The following A4GALT variants were observed in gnomAD, a reference collection of about 807,000 sequenced individuals.
A4GALT encodes the protein alpha 1,4-galactosyltransferase (P1PK blood group), also known as lactosylceramide 4-alpha-galactosyltransferase.
For synonymous variants in A4GALT, 257 were observed against 220.7 expected, an observed-to-expected ratio of 1.16 and a Z score of -1.46; for missense variants, 512 against 486.0, an observed-to-expected ratio of 1.05 and a Z score of -0.50.
intron 1 of A4GALT, among the ~76,000 whole-genome samples, chr22:42,711,124 A>G (rs2147027758): frequency 6.6e-6 from 1 of 152,318 alleles, no homozygotes; most frequent in East Asian, 1.9e-4. Context: ...AGAAATCAAT[A>G]AGAAGACTAA....
At chr22:42,708,573 G>GGAAGGAAA (rs1388329839) in intron 1 of A4GALT, among the ~76,000 whole-genome samples, 8 of 151,036 alleles carry the variant, frequency 5.3e-5, no homozygotes, top group African/African-American at 1.9e-4. Context: ...AAGGAAGGAA[G>GGAAGGAAA]GAAGGAAGGA....
At position 42,693,275 on chromosome 22, in the gene A4GALT, C is replaced by T. The variant is rs201411551; in HGVS notation, c.677G>A (p.Arg226Gln). 16 of 1,612,832 alleles carry T rather than the reference C, an allele frequency of 9.9e-6. No homozygotes were observed. In the Admixed American group the frequency reaches 1.2e-4, roughly 12 times the overall value. Residue 226 changes from arginine to glutamine, a missense_variant, in exon 3 of 3, where the codon CGG becomes CAG. Physicochemically the swap from Arg to Gln is conservative, Grantham distance 43. Coordinates refer to ENST00000642412, the MANE Select transcript of A4GALT (RefSeq NM_017436.7). ...CATGCACAGCGCCATGAACTCGTGCCGGCGCTCGAAGGCCAGGAACGCGCC... is the reference window on the plus strand; with the variant it reads ...CATGCACAGCGCCATGAACTCGTGCTGGCGCTCGAAGGCCAGGAACGCGCC... The part of the protein sequence containing the change: ...LNGAFLAFER[R>Q]HEFMALCMRD...
rs1322276395 is a variant in A4GALT, at chr22:42,693,165, A to C, written c.787T>G (p.Ser263Ala). Residue 263 changes from serine to alanine, a missense_variant, in exon 3 of 3, where the codon TCC becomes GCC. By Grantham distance (99) the Ser-to-Ala change is moderately conservative. Coordinates refer to ENST00000642412, the MANE Select transcript of A4GALT (RefSeq NM_017436.7). The part of the protein sequence containing the change: ...LLTRVFKKWC[S>A]IRSLAESRAC... The stretch of plus-strand genomic sequence containing the variant: ...CGGCTCTCGGCCAGGCTGCGGATGG[A>C]ACACCACTTCTTGAAGACCCGCGTG... 1 of 1,597,730 alleles carries C rather than the reference A, an allele frequency of 6.3e-7. No individual in the cohort carries two copies. The highest frequency in any genetic ancestry group is 2.3e-5 in the East Asian group (1 of 43,762).
intron 1 of A4GALT, among the ~76,000 whole-genome samples, chr22:42,705,658 C>T (rs1158180258): frequency 8.2e-6 from 1 of 121,620 alleles, no homozygotes; most frequent in Non-Finnish European, 1.9e-5. Context: ...AAGACAAATA[C>T]AAATTCGAAT....
At chr22:42,704,300 GT>G (rs1920955165) in intron 1 of A4GALT, among the ~76,000 whole-genome samples, 7 of 151,910 alleles carry the variant, frequency 4.6e-5, no homozygotes, top group African/African-American at 1.7e-4. Flanking sequence ...GCCCAATATG[GT>G]GAAACCCCAT....
intron 1 of A4GALT, among the ~76,000 whole-genome samples, chr22:42,713,140 G>A (rs938142023): frequency 6.6e-6 from 1 of 152,160 alleles, no homozygotes; most frequent in Admixed American, 6.5e-5. Context: ...GACCCTTCTA[G>A]AAAGGCCTTC....
Position 42,693,798 on chromosome 22 carries a change from G to A in A4GALT, c.154C>T (p.Leu52Phe). The change falls in exon 3 of 3, where the codon CTC becomes TTC. Residue 52 changes from leucine to phenylalanine, a missense_variant. By Grantham distance (22) the Leu-to-Phe change is conservative. Transcript: ENST00000642412. ...GGGATCTCTGCTGGCAGGTTATAGA[G>A]CTGCCCTTTCTCCTTGGGCTCTCCC... Reference protein sequence around the residue: ...VVGEPKEKGQLYNLPAEIPCP... With the variant: ...VVGEPKEKGQFYNLPAEIPCP... 1 of 1,602,934 alleles carries A rather than the reference G, an allele frequency of 6.2e-7. No individual in the cohort carries two copies. The highest frequency in any genetic ancestry group is 8.5e-7 in the Non-Finnish European group (1 of 1,174,950).
At chr22:42,704,263 A>T (rs1920953941) in intron 1 of A4GALT, among the ~76,000 whole-genome samples, 2 of 152,286 alleles carry the variant, frequency 1.3e-5, no homozygotes, top group African/African-American at 4.8e-5. Flanking sequence ...TGGGCAAATC[A>T]TGAGGTCAGG....
chr22:42,698,016 T>C (rs1003486134), intron 1 of A4GALT, among the ~76,000 whole-genome samples: 4 of 151,844 alleles, frequency 2.6e-5, no homozygotes, highest in Non-Finnish European at 4.4e-5. Context: ...TTTGGGAGGC[T>C]GAGGTGGGCG....
At chr22:42,699,302 CT>C (rs1266562917) in intron 1 of A4GALT, among the ~76,000 whole-genome samples, 1 of 152,202 alleles carries the variant, frequency 6.6e-6, no homozygotes, top group Non-Finnish European at 1.5e-5. Flanking sequence ...CCAAGCTAGT[CT>C]TGAACTCCTG....
intron 1 of A4GALT, among the ~76,000 whole-genome samples, chr22:42,704,970 C>T (rs1050552990): frequency 1.1e-4 from 16 of 152,088 alleles, no homozygotes; most frequent in African/African-American, 2.7e-4. Context: ...GCATGAGCTA[C>T]GGCCAGAATG....
intron 1 of A4GALT, among the ~76,000 whole-genome samples, chr22:42,707,444 A>G (rs923837103): frequency 7.9e-5 from 12 of 151,764 alleles, no homozygotes; most frequent in Non-Finnish European, 1.5e-4. Context: ...TCAGTTAAGG[A>G]CAGGAGTTTG....
At chr22:42,706,354 CAAAAAAAAAAAAAA>C (rs1164664187) in intron 1 of A4GALT, among the ~76,000 whole-genome samples, 1 of 83,820 alleles carries the variant, frequency 1.2e-5, no homozygotes. Context: ...GACTCCATCC[CAAAAAAAAAAAAAA>C]AAAAAAAAAG....
At chr22:42,710,736 G>C (rs1921615462) in intron 1 of A4GALT, among the ~76,000 whole-genome samples, 1 of 138,770 alleles carries the variant, frequency 7.2e-6, no homozygotes, top group Non-Finnish European at 1.5e-5. Flanking sequence ...AAATAAATAA[G>C]AACAATGCAG....
chr22:42,707,910 G>A (rs1921292457), intron 1 of A4GALT, among the ~76,000 whole-genome samples: 1 of 150,120 alleles, frequency 6.7e-6, no homozygotes, highest in African/African-American at 2.4e-5. Flanking sequence ...TGGGGTGGGA[G>A]GATCGTTTGA....
intron 1 of A4GALT, among the ~76,000 whole-genome samples, chr22:42,713,486 A>G (rs1312989941): frequency 6.6e-6 from 1 of 152,206 alleles, no homozygotes; most frequent in Non-Finnish European, 1.5e-5. Context: ...CATGGAGCTG[A>G]CATTCTAGTA....
intron 1 of A4GALT, among the ~76,000 whole-genome samples, chr22:42,711,282 A>G (rs1921669923): frequency 1.3e-5 from 2 of 152,250 alleles, no homozygotes; most frequent in Admixed American, 1.3e-4. Context: ...CAGATCAGCA[A>G]AAATCCAAAA....
Position 42,693,661 on chromosome 22 carries a change from C to T in A4GALT, c.291G>A (p.Ser97=), listed in dbSNP as rs761366235. 1.9e-5 allele frequency: 30 copies of T among 1,610,222 alleles called. No individual in the cohort carries two copies. The Admixed American group carries it at 2.2e-4, about 12-fold the overall frequency. The change falls in exon 3 of 3, where the codon TCG becomes TCA. Residue 97 remains serine, a synonymous_variant. Transcript: ENST00000642412. ...RTNPNFLFMC[S]VESAARTHPE... ...GGTGAGTTCTGGCGGCCGACTCCAC[C>T]GAGCACATGAACAGGAAGTTGGGGT...
chr22:42,707,660 AAT>A (rs1921272964), intron 1 of A4GALT, among the ~76,000 whole-genome samples: 1 of 152,164 alleles, frequency 6.6e-6, no homozygotes, highest in African/African-American at 2.4e-5. Flanking sequence ...TCTTTCTCAA[AAT>A]ATAACACCAC....
Sources: gnomAD v4.1 joint callset for allele counts (sites outside exome capture counted in the v4.1 genomes callset) on GRCh38, gnomAD v4.1.1 for gene constraint, MANE v1.5 for transcripts, NCBI Gene and HGNC (gene_info 2026-07-23, HGNC 2026-07-21) for gene names.